Variants in ARHGAP20 observed in about 807,000 individuals in gnomAD.
The protein encoded by ARHGAP20 is rho GTPase-activating protein 20.
A neutral mutation model predicts 73.7 loss-of-function variants in ARHGAP20; 34 were observed. The ratio of observed to expected loss-of-function variants is 0.46; its 90% CI spans 0.35 to 0.61. ARHGAP20 has a LOEUF of 0.61. Among genes scored for constraint, ARHGAP20 ranks in the 20% least tolerant of loss-of-function variants. The probability of loss-of-function intolerance (pLI) is 0.00; values close to 1 mark genes in which losing one functional copy is unlikely to be tolerated. For missense variants in ARHGAP20, 1,314 were observed against 1,420.9 expected, an observed-to-expected ratio of 0.92 and a Z score of 1.21; for synonymous variants, 523 against 518.2, an observed-to-expected ratio of 1.01 and a Z score of -0.13.
At chr11:110,584,431 T>C (rs1947563671) in intron 12 of ARHGAP20, among the ~76,000 whole-genome samples, 1 of 151,936 alleles carries the variant, frequency 6.6e-6, no homozygotes, top group Non-Finnish European at 1.5e-5. Context: ...TTTTTTTTTT[T>C]CAATAGAAAC....
intron 2 of ARHGAP20, among the ~76,000 whole-genome samples, chr11:110,640,378 AGGT>A: frequency 6.6e-6 from 1 of 152,074 alleles, no homozygotes; most frequent in South Asian, 2.1e-4. Context: ...TCTGACATGT[AGGT>A]TAGAACTTTC....
chr11:110,634,381 GTAGGTA>G (rs1304535517), intron 2 of ARHGAP20, among the ~76,000 whole-genome samples: 32 of 152,266 alleles, frequency 2.1e-4, no homozygotes, highest in Admixed American at 1.2e-3. Context: ...AGCCCTGAAG[GTAGGTA>G]TTACTATCCC....
chr11:110,680,243 C>T (rs2135091455), intron 2 of ARHGAP20, among the ~76,000 whole-genome samples: 1 of 152,262 alleles, frequency 6.6e-6, no homozygotes, highest in East Asian at 1.9e-4. Context: ...CCAAAGTTCT[C>T]ACATCTGGTA....
intron 2 of ARHGAP20, among the ~76,000 whole-genome samples, chr11:110,646,500 C>A (rs1405386355): frequency 6.6e-6 from 1 of 152,026 alleles, no homozygotes; most frequent in African/African-American, 2.4e-5. Flanking sequence ...TCATTAGAGG[C>A]TTTGAAATAA....
At chr11:110,619,467 T>G (rs566880056) in intron 4 of ARHGAP20, among the ~76,000 whole-genome samples, 1 of 151,922 alleles carries the variant, frequency 6.6e-6, no homozygotes, top group South Asian at 2.1e-4. Flanking sequence ...ATAGTGTATA[T>G]GTAGTGATAG....
chr11:110,667,761 G>A (rs1949753361), intron 2 of ARHGAP20, among the ~76,000 whole-genome samples: 1 of 152,184 alleles, frequency 6.6e-6, no homozygotes, highest in East Asian at 1.9e-4. Context: ...ATTAATAGGA[G>A]TTTGGAAGAA....
chr11:110,622,461 A>C (rs1415820447), intron 4 of ARHGAP20, among the ~76,000 whole-genome samples: 4 of 152,234 alleles, frequency 2.6e-5, no homozygotes, highest in South Asian at 2.1e-4. Context: ...CTTTTACATT[A>C]TCATGGTCCA....
chr11:110,577,043 G>T lies in ARHGAP20; in HGVS notation c.*2327C>A. 1 of 1,333,714 alleles carries T rather than the reference G, an allele frequency of 7.5e-7. No homozygotes were observed. Among genetic ancestry groups the T allele is most frequent in the Non-Finnish European group, 1.0e-6 (1 of 978,894 alleles). 82.6% of individuals were successfully genotyped at this position (1,333,714 alleles called of 1,614,324 possible). On this transcript the variant is annotated 3_prime_UTR_variant, in exon 15 of 15. Coordinates refer to ENST00000683387, the MANE Select transcript of ARHGAP20 (RefSeq NM_001384657.1). The stretch of plus-strand genomic sequence containing the variant: ...ACAAAGGGCAATATTGCTCTGGTGG[G>T]ATGGTTAATTCTGCAGAATGGCATT...
Position 110,577,367 on chromosome 11 carries a change from A to C in ARHGAP20, c.*2003T>G. ...AACTATTCACATTAAGAATTACAGG[A>C]GTATCTAAGGGAACACAGATAGTAG... On this transcript the variant is annotated 3_prime_UTR_variant, in exon 15 of 15. Transcript: ENST00000683387. 8.2e-7 allele frequency: 1 copy of C among 1,217,010 alleles called. No individual in the cohort carries two copies. The highest frequency in any genetic ancestry group is 4.3e-5 in the Admixed American group (1 of 23,000). The allele number at this position is 1,217,010 out of a possible 1,614,324, so 75.4% of individuals were successfully genotyped here.
chr11:110,696,858 T>A (rs561380970), intron 1 of ARHGAP20, among the ~76,000 whole-genome samples: 3 of 151,730 alleles, frequency 2.0e-5, no homozygotes, highest in African/African-American at 7.2e-5. Flanking sequence ...TCATTTAGGA[T>A]AATGGCCTCT....
At chr11:110,591,180 C>T (rs1297470959) in intron 10 of ARHGAP20, among the ~76,000 whole-genome samples, 1 of 152,130 alleles carries the variant, frequency 6.6e-6, no homozygotes, top group African/African-American at 2.4e-5. Flanking sequence ...TCTATCACTA[C>T]GTCCTGCTTA....
At chr11:110,612,969 A>G (rs1220853988) in intron 6 of ARHGAP20, among the ~76,000 whole-genome samples, 1 of 152,172 alleles carries the variant, frequency 6.6e-6, no homozygotes, top group Admixed American at 6.5e-5. Flanking sequence ...ATTGAGAGAT[A>G]ATTTTTAAAA....
chr11:110,709,991 T>C (rs764254490), intron 1 of ARHGAP20, among the ~76,000 whole-genome samples: 8 of 152,194 alleles, frequency 5.3e-5, no homozygotes, highest in Non-Finnish European at 1.0e-4. Flanking sequence ...ACAGTGGAGA[T>C]GAAGTGGAGA....
chr11:110,694,243 T>C (rs1950295784), intron 1 of ARHGAP20, among the ~76,000 whole-genome samples: 2 of 151,846 alleles, frequency 1.3e-5, no homozygotes, highest in African/African-American at 4.8e-5. Flanking sequence ...AGTTCTAACA[T>C]GGAATAAAGA....
Position 110,597,468 on chromosome 11 carries a change from A to C in ARHGAP20, c.965-5313T>G, listed in dbSNP as rs1947998257. Among the ~76,000 whole-genome samples, 3 of 152,026 alleles carry C rather than the reference A, an allele frequency of 2.0e-5. No homozygotes were observed. In the South Asian group the frequency reaches 6.2e-4, roughly 32 times the overall value. On this transcript the variant is annotated intron_variant, in intron 9 of 14. Coordinates refer to ENST00000683387, the MANE Select transcript of ARHGAP20 (RefSeq NM_001384657.1). ...ACTTGTGCTCAGTCTTGGTTTGCTC[A>C]CATTTACTTGATTTTTATTTATTAT...
At chr11:110,694,731 T>C (rs1032410130) in intron 1 of ARHGAP20, among the ~76,000 whole-genome samples, 5 of 151,590 alleles carry the variant, frequency 3.3e-5, no homozygotes, top group Admixed American at 1.3e-4. Context: ...TTCCCAAATT[T>C]TCTCCCTTCC....
intron 2 of ARHGAP20, among the ~76,000 whole-genome samples, chr11:110,682,348 TCTC>T (rs1233187876): frequency 6.6e-6 from 1 of 152,174 alleles, no homozygotes; most frequent in African/African-American, 2.4e-5. Flanking sequence ...CTCATTTAGT[TCTC>T]CTTAAAATCC....
At chr11:110,593,344 A>C (rs1947875618) in intron 9 of ARHGAP20, among the ~76,000 whole-genome samples, 1 of 152,220 alleles carries the variant, frequency 6.6e-6, no homozygotes, top group African/African-American at 2.4e-5. Context: ...TTAATACATA[A>C]AAATCTCTTT....
intron 1 of ARHGAP20, chr11:110,711,642 C>T: frequency 6.8e-7 from 1 of 1,478,928 alleles, no homozygotes; most frequent in Non-Finnish European, 8.9e-7. Flanking sequence ...ACCAGCGCCG[C>T]AGCCCCGCTG....
Sources: allele counts gnomAD v4.1 joint callset (sites outside exome capture counted in the v4.1 genomes callset), GRCh38; gene constraint gnomAD v4.1.1; transcripts MANE v1.5; gene names NCBI Gene and HGNC (gene_info 2026-07-23, HGNC 2026-07-21).